Variants in MCEMP1 observed in about 807,000 individuals in gnomAD.
MCEMP1 encodes the protein mast cell expressed membrane protein 1.
A neutral mutation model predicts 27.9 loss-of-function variants in MCEMP1; 17 were observed. The observed-to-expected ratio is 0.61, with a 90% confidence interval of 0.42 to 0.91. The LOEUF (loss-of-function observed/expected upper bound fraction) is 0.91. Among genes scored for constraint, MCEMP1 ranks in the 40% least tolerant of loss-of-function variants. The probability of loss-of-function intolerance (pLI) is 0.00; values close to 1 mark genes in which losing one functional copy is unlikely to be tolerated. For missense variants in MCEMP1, 200 were observed against 204.8 expected (o/e 0.98, Z 0.14); for synonymous variants, 88 against 76.9 (o/e 1.14, Z -0.76).
At position 7,678,579 on chromosome 19, in the gene MCEMP1, T is replaced by C. The variant is rs1725478326; in HGVS notation, c.423T>C (p.Ile141=). The C allele has an allele frequency of 6.2e-7, 1 of 1,613,944 alleles. No homozygotes were observed. The highest frequency in any genetic ancestry group is 1.3e-5 in the African/African-American group (1 of 75,006). ...GCATCACCATGGTCAGGAGCAAGAT[T>C]GATAGATTAGAGACGACATTAGCAG... The part of the protein sequence containing the change: ...QQSITMVRSK[I]DRLETTLAGI... Residue 141 remains isoleucine (I), a synonymous_variant, in exon 5 of 7, where the codon ATT becomes ATC. Coordinates refer to ENST00000333598, the MANE Select transcript of MCEMP1 (RefSeq NM_174918.3). The surrounding 1 kb of genome is among the most constrained non-coding windows in gnomAD (Gnocchi z 4.8).
In MCEMP1 at chr19:7,677,806, T is replaced by C. The variant is rs1015311157; in HGVS notation, c.145+80T>C. 4 of 1,356,740 alleles carry C rather than the reference T, an allele frequency of 2.9e-6. No individual in the cohort carries two copies. The African/African-American group carries it at 4.4e-5, about 15-fold the overall frequency. The allele number at this position is 1,356,740 out of a possible 1,614,324, so 84.0% of individuals were successfully genotyped here. A position where few individuals can be genotyped will look rare whatever the true frequency, so the allele number is the denominator to read the frequency against. The stretch of plus-strand genomic sequence containing the variant: ...CGGGCAACTGCAGGGCCCCCGGGGC[T>C]GCGTGGAAGGGAGGAAGCGATGGGG... On this transcript the variant is annotated intron_variant, in intron 2 of 6. Coordinates refer to ENST00000333598, the MANE Select transcript of MCEMP1 (RefSeq NM_174918.3). This position sits in a 1 kb window ranked among gnomAD's most constrained non-coding sequence, Gnocchi z 4.6.
chr19:7,678,166 A>G lies in MCEMP1; in HGVS notation c.208A>G (p.Ile70Val), dbSNP rs1213732946. Residue 70 changes from isoleucine (I) to valine (V), a missense_variant, in exon 3 of 7, where the codon ATC (isoleucine) becomes GTC (valine). By Grantham distance (29) the Ile-to-Val change is conservative. Coordinates refer to ENST00000333598, the MANE Select transcript of MCEMP1 (RefSeq NM_174918.3). This position sits in a 1 kb window ranked among gnomAD's most constrained non-coding sequence, Gnocchi z 4.8. ...GGTCCCCTGCTGGTTGTACAGAGCC[A>G]TCCTGAGCCTGTACATCCTCCTGGC... ...TQVPCWLYRA[I>V]LSLYILLALA... 1.2e-6 allele frequency: 2 copies of G among 1,614,068 alleles called. No homozygotes were observed. Among genetic ancestry groups the G allele is most frequent in the Middle Eastern group, 1.7e-4 (1 of 6,058 alleles).
In MCEMP1 at chr19:7,679,778, C is replaced by T. The variant is rs914923611; in HGVS notation, c.*664C>T. ...GGCACATGCACACAGACATTTATCTCTGCACTCACATTTTGTGACTTATGA... is the reference window on the plus strand; with the variant it reads ...GGCACATGCACACAGACATTTATCTTTGCACTCACATTTTGTGACTTATGA... On this transcript the variant is annotated 3_prime_UTR_variant, in exon 7 of 7. Transcript: ENST00000333598. This position sits in a 1 kb window ranked among gnomAD's most constrained non-coding sequence, Gnocchi z 4.9. 1 of 152,114 alleles carries T rather than the reference C, an allele frequency of 6.6e-6. No individual in the cohort carries two copies. Among genetic ancestry groups the T allele is most frequent in the African/African-American group, 2.4e-5 (1 of 41,398 alleles). 9.4% of individuals were successfully genotyped at this position (152,114 alleles called of 1,614,324 possible).
rs1010180475 is a variant in MCEMP1 at position 7,678,117 on chromosome 19, C to G, written c.159C>G (p.Cys53Trp). ...SRPTSQVPAQCRPPSDSTQVP... is the reference protein window; with the variant it reads ...SRPTSQVPAQWRPPSDSTQVP... ...TCTTTGCTCCAGTCCCAGCCCAGTGCAGGCCGCCCTCAGACTCCACCCAGG... is the reference window on the plus strand; with the variant it reads ...TCTTTGCTCCAGTCCCAGCCCAGTGGAGGCCGCCCTCAGACTCCACCCAGG... The change falls in exon 3 of 7, where the codon TGC becomes TGG. Residue 53 changes from cysteine to tryptophan, a missense_variant. Coordinates refer to ENST00000333598, the MANE Select transcript of MCEMP1 (RefSeq NM_174918.3). This position sits in a 1 kb window ranked among gnomAD's most constrained non-coding sequence, Gnocchi z 4.8. 20 of 1,606,500 alleles carry G rather than the reference C, an allele frequency of 1.2e-5. No homozygotes were observed. Among genetic ancestry groups the G allele is most frequent in the Non-Finnish European group, 1.6e-5 (19 of 1,176,750 alleles).
rs1206813368 is a variant in MCEMP1, at chr19:7,677,688, A to G, written c.107A>G (p.Asp36Gly). 1.2e-6 allele frequency: 2 copies of G among 1,613,192 alleles called. No homozygotes were observed. The highest frequency in any genetic ancestry group is 2.7e-5 in the African/African-American group (2 of 74,882). The change falls in exon 2 of 7, where the codon GAC (aspartate) becomes GGC (glycine). Residue 36 changes from aspartate (D) to glycine (G), a missense_variant. Transcript: ENST00000333598. The surrounding 1 kb of genome is among the most constrained non-coding windows in gnomAD (Gnocchi z 4.6). ...ENITLAFKNQ[D>G]HAKGGHSRPT... ...ATCACCTTGGCCTTCAAAAATCAGG[A>G]CCATGCAAAGGGTGGTCATTCACGA...
rs1442150200 is a variant in MCEMP1, at chr19:7,679,435, T to C, written c.*321T>C. ...GAATGAATAGGACTGAGAGTCACAG[T>C]GAATGTGGCATGCATGCCTGTGTCA... On this transcript the variant is annotated 3_prime_UTR_variant, in exon 7 of 7. Coordinates refer to ENST00000333598, the MANE Select transcript of MCEMP1 (RefSeq NM_174918.3). This position sits in a 1 kb window ranked among gnomAD's most constrained non-coding sequence, Gnocchi z 4.9. The C allele has an allele frequency of 2.9e-5, 11 of 375,678 alleles. No homozygotes were observed. Among genetic ancestry groups the C allele is most frequent in the Non-Finnish European group, 3.8e-5 (8 of 208,962 alleles). 23.3% of individuals were successfully genotyped at this position (375,678 alleles called of 1,614,324 possible). A position where few individuals can be genotyped will look rare whatever the true frequency, so the allele number is the denominator to read the frequency against.
Position 7,679,189 on chromosome 19 carries a change from A to C in MCEMP1, c.*75A>C, listed in dbSNP as rs1212280562. The C allele has an allele frequency of 7.9e-6, 10 of 1,272,840 alleles. No homozygotes were observed. In the East Asian group the frequency reaches 1.6e-4, roughly 21 times the overall value. The allele number at this position is 1,272,840 out of a possible 1,614,324, so 78.8% of individuals were successfully genotyped here. A position where few individuals can be genotyped will look rare whatever the true frequency, so the allele number is the denominator to read the frequency against. On this transcript the variant is annotated 3_prime_UTR_variant, in exon 7 of 7. Coordinates refer to ENST00000333598, the MANE Select transcript of MCEMP1 (RefSeq NM_174918.3). The surrounding 1 kb of genome is among the most constrained non-coding windows in gnomAD (Gnocchi z 4.9). The stretch of plus-strand genomic sequence containing the variant: ...CACCTGCCAACGAAGACGGGAAATG[A>C]CCCCCCCCCCCCAGCCTAGTGTGAA...
Position 7,677,197 on chromosome 19 carries a change from G to A in MCEMP1, c.55+22G>A. 6.4e-7 allele frequency: 1 copy of A among 1,561,294 alleles called. No individual in the cohort carries two copies. The highest frequency in any genetic ancestry group is 8.7e-7 in the Non-Finnish European group (1 of 1,150,386). ...CAAGGTTAGGGAACTCGAGGTGGAA[G>A]GGAGGGGTTAAGAAGGAGAGATTGG... On this transcript the variant is annotated intron_variant, in intron 1 of 6. Transcript: ENST00000333598. This position sits in a 1 kb window ranked among gnomAD's most constrained non-coding sequence, Gnocchi z 4.6.
In MCEMP1 at chr19:7,678,696, G is replaced by A. The variant is rs11880394; in HGVS notation, c.448+92G>A. ...AGGGGATTCAGGGGAGGAGAAAGCCGGGGTCCTACCCTCCCAAAGCTCAAG... is the reference window on the plus strand; with the variant it reads ...AGGGGATTCAGGGGAGGAGAAAGCCAGGGTCCTACCCTCCCAAAGCTCAAG... On this transcript the variant is annotated intron_variant, in intron 5 of 6. Transcript: ENST00000333598. This position sits in a 1 kb window ranked among gnomAD's most constrained non-coding sequence, Gnocchi z 4.8. 5.5e-5 allele frequency: 72 copies of A among 1,317,722 alleles called. 1 individual carries two copies. Among genetic ancestry groups the A allele is most frequent in the South Asian group, 4.4e-4 (35 of 79,534 alleles). The allele number at this position is 1,317,722 out of a possible 1,614,324, so 81.6% of individuals were successfully genotyped here.
chr19:7,678,483 G>A lies in MCEMP1; in HGVS notation c.335-8G>A, dbSNP rs1599422394. ...GGATGCACAGACACCCCTGTTTCAT[G>A]CCCTCAGTCTCAAACTCCGTACAAG... is the stretch of plus-strand genomic sequence containing the variant. On this transcript the variant is annotated splice_polypyrimidine_tract_variant and splice_region_variant and intron_variant, in intron 4 of 6. Coordinates refer to ENST00000333598, the MANE Select transcript of MCEMP1 (RefSeq NM_174918.3). This position sits in a 1 kb window ranked among gnomAD's most constrained non-coding sequence, Gnocchi z 4.8. 1 of 1,613,958 alleles carries A rather than the reference G, an allele frequency of 6.2e-7. No individual in the cohort carries two copies. The highest frequency in any genetic ancestry group is 2.2e-5 in the East Asian group (1 of 44,872).
At position 7,677,797 on chromosome 19, in the gene MCEMP1, C is replaced by T. The variant is rs1191958829; in HGVS notation, c.145+71C>T. ...GCAGGTGGGCGGGCAACTGCAGGGC[C>T]CCCGGGGCTGCGTGGAAGGGAGGAA... On this transcript the variant is annotated intron_variant, in intron 2 of 6. Coordinates refer to ENST00000333598, the MANE Select transcript of MCEMP1 (RefSeq NM_174918.3). The surrounding 1 kb of genome is among the most constrained non-coding windows in gnomAD (Gnocchi z 4.6). 2 of 1,405,214 alleles carry T rather than the reference C, an allele frequency of 1.4e-6. No individual in the cohort carries two copies. Among genetic ancestry groups the T allele is most frequent in the East Asian group, 2.3e-5 (1 of 43,052 alleles). 87.0% of individuals were successfully genotyped at this position (1,405,214 alleles called of 1,614,324 possible).
Position 7,678,543 on chromosome 19 carries a change from C to G in MCEMP1, c.387C>G (p.Ser129=), listed in dbSNP as rs146973085. 6.2e-7 allele frequency: 1 copy of G among 1,614,088 alleles called. No individual in the cohort carries two copies. The highest frequency in any genetic ancestry group is 1.7e-5 in the Admixed American group (1 of 60,004). ...CEERQKRGWD[S]VQQSITMVRS... is the part of the protein sequence containing the mutation. ...AGAGACAGAAGAGAGGCTGGGATTC[C>G]GTTCAGCAGAGCATCACCATGGTCA... The change falls in exon 5 of 7, where the codon TCC becomes TCG. Residue 129 remains serine, a synonymous_variant. Transcript: ENST00000333598. The surrounding 1 kb of genome is among the most constrained non-coding windows in gnomAD (Gnocchi z 4.8).
At position 7,678,377 on chromosome 19, in the gene MCEMP1, G is replaced by A. The variant is rs747248512; in HGVS notation, c.311G>A (p.Gly104Asp). The A allele has an allele frequency of 3.7e-6, 6 of 1,614,126 alleles. No individual in the cohort carries two copies. Among genetic ancestry groups the A allele is most frequent in the Non-Finnish European group, 4.2e-6 (5 of 1,180,024 alleles). The change falls in exon 4 of 7, where the codon GGC (glycine) becomes GAC (aspartate). Residue 104 changes from glycine (G) to aspartate (D), a missense_variant. Physicochemically the swap from Gly to Asp is moderately conservative, Grantham distance 94 (BLOSUM62 -1). Coordinates refer to ENST00000333598, the MANE Select transcript of MCEMP1 (RefSeq NM_174918.3). This position sits in a 1 kb window ranked among gnomAD's most constrained non-coding sequence, Gnocchi z 4.8. Reference sequence around the variant, plus strand: ...GCTGAGATGTCCAAGGAGCTGCTGGGCTTTAAAAGGGAGCTTTGGAATGGT... The same window carrying A: ...GCTGAGATGTCCAAGGAGCTGCTGGACTTTAAAAGGGAGCTTTGGAATGGT... ...KNAEMSKELL[G>D]FKRELWNVSN...
In MCEMP1 at chr19:7,677,681, A is replaced by T. The variant is rs753088423; in HGVS notation, c.100A>T (p.Asn34Tyr). ...TGAGAATATCACCTTGGCCTTCAAA[A>T]ATCAGGACCATGCAAAGGGTGGTCA... Reference protein sequence around the residue: ...DYENITLAFKNQDHAKGGHSR... With the variant: ...DYENITLAFKYQDHAKGGHSR... The change falls in exon 2 of 7, where the codon AAT (asparagine) becomes TAT (tyrosine). Residue 34 changes from asparagine (N) to tyrosine (Y), a missense_variant. Physicochemically the swap from Asn to Tyr is moderately radical, Grantham distance 143. Transcript: ENST00000333598. The surrounding 1 kb of genome is among the most constrained non-coding windows in gnomAD (Gnocchi z 4.6). 8.1e-6 allele frequency: 13 copies of T among 1,613,472 alleles called. No individual in the cohort carries two copies. Among genetic ancestry groups the T allele is most frequent in the African/African-American group, 2.7e-5 (2 of 74,870 alleles).
In MCEMP1 at chr19:7,678,511, T is replaced by C; in HGVS notation, c.355T>C (p.Cys119Arg). Residue 119 changes from cysteine (C) to arginine (R), a missense_variant, in exon 5 of 7, where the codon TGC becomes CGC. Transcript: ENST00000333598. The surrounding 1 kb of genome is among the most constrained non-coding windows in gnomAD (Gnocchi z 4.8). ...CTCAGTCTCAAACTCCGTACAAGCA[T>C]GCGAAGAGAGACAGAAGAGAGGCTG... The part of the protein sequence containing the change: ...LWNVSNSVQA[C>R]EERQKRGWDS... 3 of 1,614,026 alleles carry C rather than the reference T, an allele frequency of 1.9e-6. No individual in the cohort carries two copies. The highest frequency in any genetic ancestry group is 1.1e-5 in the South Asian group (1 of 91,082).
Position 7,679,198 on chromosome 19 carries a change from C to G in MCEMP1, c.*84C>G, listed in dbSNP as rs1221051149. ...ACGAAGACGGGAAATGACCCCCCCC[C>G]CCCAGCCTAGTGTGAACCTGCCCCT... On this transcript the variant is annotated 3_prime_UTR_variant, in exon 7 of 7. Transcript: ENST00000333598. The surrounding 1 kb of genome is among the most constrained non-coding windows in gnomAD (Gnocchi z 4.9). 1.4e-5 allele frequency: 20 copies of G among 1,420,222 alleles called. 1 individual carries two copies. The highest frequency in any genetic ancestry group is 2.5e-4 in the Middle Eastern group (1 of 3,976). The allele number at this position is 1,420,222 out of a possible 1,614,324, so 88.0% of individuals were successfully genotyped here. A position where few individuals can be genotyped will look rare whatever the true frequency, so the allele number is the denominator to read the frequency against.
chr19:7,678,015 G>T lies in MCEMP1; in HGVS notation c.146-89G>T. On this transcript the variant is annotated intron_variant, in intron 2 of 6. Transcript: ENST00000333598. The surrounding 1 kb of genome is among the most constrained non-coding windows in gnomAD (Gnocchi z 4.8). ...ACAGCTGCTGATGGTTTTGAGAGGA[G>T]CGAGGTGTCCATGGTGTTAGAGACA... 1.3e-6 allele frequency: 2 copies of T among 1,496,744 alleles called. No homozygotes were observed. Among genetic ancestry groups the T allele is most frequent in the Non-Finnish European group, 1.8e-6 (2 of 1,120,096 alleles). The allele number at this position is 1,496,744 out of a possible 1,614,324, so 92.7% of individuals were successfully genotyped here.
In MCEMP1 at chr19:7,677,703, G is replaced by A. The variant is rs756883098; in HGVS notation, c.122G>A (p.Gly41Asp). 1.9e-6 allele frequency: 3 copies of A among 1,611,080 alleles called. No individual in the cohort carries two copies. The highest frequency in any genetic ancestry group is 2.5e-6 in the Non-Finnish European group (3 of 1,178,432). Reference sequence around the variant, plus strand: ...AAAAATCAGGACCATGCAAAGGGTGGTCATTCACGACCCACGAGCCAAGGT... The same window carrying A: ...AAAAATCAGGACCATGCAAAGGGTGATCATTCACGACCCACGAGCCAAGGT... ...AFKNQDHAKG[G>D]HSRPTSQVPA... The change falls in exon 2 of 7, where the codon GGT becomes GAT. Residue 41 changes from glycine (G) to aspartate (D), a missense_variant. Gly to Asp is a moderately conservative substitution (Grantham distance 94). Coordinates refer to ENST00000333598, the MANE Select transcript of MCEMP1 (RefSeq NM_174918.3). This position sits in a 1 kb window ranked among gnomAD's most constrained non-coding sequence, Gnocchi z 4.6.
At position 7,679,374 on chromosome 19, in the gene MCEMP1, G is replaced by A; in HGVS notation, c.*260G>A. 1 of 502,094 alleles carries A rather than the reference G, an allele frequency of 2.0e-6. No homozygotes were observed. 31.1% of individuals were successfully genotyped at this position (502,094 alleles called of 1,614,324 possible). ...TGCGCGTGTGTGTGCATTTTGCAAA[G>A]GGTGGACATTTCAGTGTATCTCCCA... On this transcript the variant is annotated 3_prime_UTR_variant, in exon 7 of 7. Coordinates refer to ENST00000333598, the MANE Select transcript of MCEMP1 (RefSeq NM_174918.3). The surrounding 1 kb of genome is among the most constrained non-coding windows in gnomAD (Gnocchi z 4.9).
Sources: allele counts gnomAD v4.1 joint callset, GRCh38; gene constraint gnomAD v4.1.1; non-coding constraint Gnocchi (gnomAD v3.1); transcripts MANE v1.5; gene names NCBI Gene and HGNC (gene_info 2026-07-23, HGNC 2026-07-21).